CCNY: variants seen among roughly 807,000 people sequenced by gnomAD.
CCNY encodes cyclin-Y.
CCNY carries 19 observed loss-of-function variants against 42.8 expected under a neutral mutation model. The ratio of observed to expected loss-of-function variants is 0.44; its 90% CI spans 0.31 to 0.65. The LOEUF is 0.65. CCNY is among the 30% of genes least tolerant of loss of function. The pLI is 0.07. For missense variants in CCNY, 370 were observed against 437.3 expected (o/e 0.85, Z 1.37); for synonymous variants, 165 against 162.7 (o/e 1.01, Z -0.11).
intron 1 of CCNY, among the ~76,000 whole-genome samples, chr10:35,399,702 G>A (rs970258061): frequency 6.6e-6 from 1 of 152,158 alleles, no homozygotes; most frequent in Non-Finnish European, 1.5e-5. Flanking sequence ...AAAGATAAGG[G>A]GTTATCTCTC....
chr10:35,312,891 C>G (rs981212235), intron 3 of CCNY, among the ~76,000 whole-genome samples: 1 of 151,796 alleles, frequency 6.6e-6, no homozygotes, highest in African/African-American at 2.4e-5. Context: ...GCCAGGATTA[C>G]AGGCATGAGT....
chr10:35,273,829 T>C (rs562939232), intron 3 of CCNY, among the ~76,000 whole-genome samples: 36 of 152,280 alleles, frequency 2.4e-4, no homozygotes, highest in African/African-American at 7.9e-4. Context: ...CCCTACAGCA[T>C]CTTTTCCCAC....
At chr10:35,479,453 G>T (rs1335307305) in intron 1 of CCNY, among the ~76,000 whole-genome samples, 1 of 142,620 alleles carries the variant, frequency 7.0e-6, no homozygotes, top group African/African-American at 2.6e-5. Context: ...CATGTCCTTT[G>T]TAGGGACATG....
chr10:35,478,233 A>G (rs1296347016), intron 1 of CCNY, among the ~76,000 whole-genome samples: 1 of 149,318 alleles, frequency 6.7e-6, no homozygotes, highest in South Asian at 2.2e-4. Context: ...TTACAGATTC[A>G]ATGCCATCCC....
chr10:35,349,227 A>G (rs966553662), intron 1 of CCNY, among the ~76,000 whole-genome samples: 2 of 152,186 alleles, frequency 1.3e-5, no homozygotes, highest in Non-Finnish European at 2.9e-5. Flanking sequence ...AGGAGAGCTC[A>G]GCAGGTGAGT....
At chr10:35,414,253 G>A (rs528014712) in intron 1 of CCNY, among the ~76,000 whole-genome samples, 1 of 152,150 alleles carries the variant, frequency 6.6e-6, no homozygotes, top group Admixed American at 6.5e-5. Flanking sequence ...CTAGGGTCTC[G>A]TCTGAAGACT....
intron 3 of CCNY, among the ~76,000 whole-genome samples, chr10:35,328,241 C>T (rs932465489): frequency 1.1e-4 from 17 of 152,156 alleles, no homozygotes; most frequent in African/African-American, 3.6e-4. Flanking sequence ...CTCGCTTTGA[C>T]CTGCCTCTTT....
intron 2 of CCNY, among the ~76,000 whole-genome samples, chr10:35,494,441 G>A (rs1461797205): frequency 2.0e-5 from 3 of 152,050 alleles, no homozygotes; most frequent in African/African-American, 7.2e-5. Context: ...CCATGTGTCA[G>A]GATAGATTTC....
At chr10:35,296,504 C>T (rs990739964) in intron 3 of CCNY, among the ~76,000 whole-genome samples, 7 of 152,112 alleles carry the variant, frequency 4.6e-5, no homozygotes, top group Non-Finnish European at 1.0e-4. Context: ...TTGCTTGAAT[C>T]CGGGAGGCAG....
chr10:35,474,552 T>G (rs868328819), intron 1 of CCNY, among the ~76,000 whole-genome samples: 6 of 152,040 alleles, frequency 3.9e-5, no homozygotes, highest in African/African-American at 1.4e-4. Flanking sequence ...CACCTCACAC[T>G]GCAGGGTACT....
intron 1 of CCNY, among the ~76,000 whole-genome samples, chr10:35,417,937 G>A (rs1466549733): frequency 6.6e-6 from 1 of 152,200 alleles, no homozygotes; most frequent in African/African-American, 2.4e-5. Context: ...CCTTCAGCAA[G>A]ATGCTGTGTG....
chr10:35,447,159 C>T (rs1838810287), intron 1 of CCNY, among the ~76,000 whole-genome samples: 1 of 152,214 alleles, frequency 6.6e-6, no homozygotes, highest in African/African-American at 2.4e-5. Context: ...CGCCTGTAGT[C>T]TCAGCTACTC....
At chr10:35,400,386 G>A (rs1050254131) in intron 1 of CCNY, among the ~76,000 whole-genome samples, 1 of 152,092 alleles carries the variant, frequency 6.6e-6, no homozygotes, top group Non-Finnish European at 1.5e-5. Flanking sequence ...GGGCATTTAG[G>A]TTGGTCTCTT....
chr10:35,271,881 T>G (rs1835175035), intron 3 of CCNY, among the ~76,000 whole-genome samples: 1 of 152,172 alleles, frequency 6.6e-6, no homozygotes, highest in Admixed American at 6.6e-5. Context: ...CTGGCCCCAG[T>G]GAAAATACCA....
At chr10:35,444,556 TTGAC>T (rs1174426023) in intron 1 of CCNY, among the ~76,000 whole-genome samples, 1 of 152,210 alleles carries the variant, frequency 6.6e-6, no homozygotes, top group Non-Finnish European at 1.5e-5. Flanking sequence ...CTATAACTGT[TTGAC>T]TGGCAGCACA....
intron 3 of CCNY, among the ~76,000 whole-genome samples, chr10:35,291,954 T>G (rs1158599995): frequency 6.6e-6 from 1 of 152,212 alleles, no homozygotes; most frequent in Non-Finnish European, 1.5e-5. Flanking sequence ...ATTACCAAAC[T>G]GCTTTCCAAA....
intron 3 of CCNY, among the ~76,000 whole-genome samples, chr10:35,290,222 T>TCTCACACACACA (rs1554774113): frequency 4.9e-5 from 6 of 122,910 alleles, no homozygotes; most frequent in East Asian, 2.4e-4. Flanking sequence ...CAAGACTCCA[T>TCTCACACACACA]CACACACACA....
intron 7 of CCNY, among the ~76,000 whole-genome samples, chr10:35,546,859 C>CTTTTTTTTT (rs1288699854): frequency 6.6e-6 from 1 of 152,100 alleles, no homozygotes; most frequent in Non-Finnish European, 1.5e-5. Flanking sequence ...ACATAGTCAG[C>CTTTTTTTTT]TTTTTGTATT....
At chr10:35,343,684 C>G (rs1308076648) in intron 1 of CCNY, among the ~76,000 whole-genome samples, 2 of 152,214 alleles carry the variant, frequency 1.3e-5, no homozygotes, top group Non-Finnish European at 1.5e-5. Context: ...GCCACAGTCT[C>G]CGGCCTGATG....
Sources: allele counts gnomAD v4.1 joint callset (sites outside exome capture counted in the v4.1 genomes callset), GRCh38; gene constraint gnomAD v4.1.1; transcripts MANE v1.5; gene names NCBI Gene and HGNC (gene_info 2026-07-23, HGNC 2026-07-21).